Variants in HAP1 observed in about 807,000 individuals in gnomAD.
The protein encoded by HAP1 is huntingtin-associated protein 1.
Under a neutral mutation model 60.3 loss-of-function variants are expected in HAP1, and 59 were observed. The ratio of observed to expected loss-of-function variants is 0.98; its 90% CI spans 0.79 to 1.22. HAP1 has a LOEUF of 1.22. Ranked by LOEUF, HAP1 falls within the 50% of genes most tolerant of loss-of-function variation. The pLI, the probability that HAP1 is intolerant of heterozygous loss-of-function variation, is 0.00. For synonymous variants in HAP1, 346 were observed against 330.6 expected (o/e 1.05, Z -0.50); for missense variants, 825 against 785.3 (o/e 1.05, Z -0.60).
intron 6 of HAP1, 133 bp from the exon 7 acceptor site, chr17:41,728,464 T>G: frequency 9.9e-6 from 7 of 709,546 alleles, no homozygotes; most frequent in Middle Eastern, 3.8e-4. Context: ...GGGCTTTGCA[T>G]TCCTCACTCA....
At chr17:41,732,889 C>A (rs1166481744) in intron 1 of HAP1, 91 bp from the exon 2 acceptor site, 9 of 792,384 alleles carry the variant, frequency 1.1e-5, no homozygotes, top group Non-Finnish European at 2.1e-5. Context: ...CCCGTCCTAT[C>A]GTCAGTTCTC....
chr17:41,733,559 C>G (rs985544569), intron 1 of HAP1, among the ~76,000 whole-genome samples: 1 of 151,610 alleles, frequency 6.6e-6, no homozygotes, highest in Non-Finnish European at 1.5e-5. Context: ...TACAAACAGA[C>G]GCAGCCACTC....
rs1911331639 is a variant in HAP1, at chr17:41,723,197, C to T, written c.*1504G>A. 1 of 152,334 alleles carries T rather than the reference C, an allele frequency of 6.6e-6. No homozygotes were observed. Among genetic ancestry groups the T allele is most frequent in the Non-Finnish European group, 1.5e-5 (1 of 68,146 alleles). The allele number at this position is 152,334 out of a possible 1,614,324, so 9.4% of individuals were successfully genotyped here. Reference sequence around the variant, plus strand: ...CCAGTGGGCCTCTCCCGGGCTTCTCCTGCCCCCTGGGCTGCCATGTGGCCC... The same window carrying T: ...CCAGTGGGCCTCTCCCGGGCTTCTCTTGCCCCCTGGGCTGCCATGTGGCCC... On this transcript the variant is annotated 3_prime_UTR_variant, in exon 11 of 11. Coordinates refer to ENST00000347901, the MANE Select transcript of HAP1 (RefSeq NM_177977.3).
chr17:41,733,970 C>A (rs1236936214), intron 1 of HAP1, among the ~76,000 whole-genome samples, 196 bp downstream of exon 1: 2 of 152,164 alleles, frequency 1.3e-5, no homozygotes, highest in Non-Finnish European at 2.9e-5. Context: ...GACTCACGGG[C>A]ACAAACCAGG....
At chr17:41,731,587 G>A in intron 5 of HAP1, 28 bp from the exon 6 acceptor site, 2 of 1,605,648 alleles carry the variant, frequency 1.2e-6, no homozygotes, top group Non-Finnish European at 1.7e-6. Flanking sequence ...GGAAGGGACA[G>A]GGAAGTCAAC....
Position 41,734,408 on chromosome 17 carries a change from G to T in HAP1, c.227C>A (p.Ala76Asp). 1 of 1,607,944 alleles carries T rather than the reference G, an allele frequency of 6.2e-7. No homozygotes were observed. Residue 76 changes from alanine to aspartate, a missense_variant, in exon 1 of 11, where the codon GCC (alanine) becomes GAC (aspartate). Coordinates refer to ENST00000347901, the MANE Select transcript of HAP1 (RefSeq NM_177977.3). The part of the protein sequence containing the change: ...TGARPASEAG[A>D]KAGARRPSAF... ...GGACGGGCGCCGGGCTCCTGCCTTG[G>T]CTCCAGCCTCCGAGGCCGGGCGAGC... is the stretch of plus-strand genomic sequence containing the variant.
chr17:41,718,824 G>C (rs1157944764), downstream of HAP1, among the ~76,000 whole-genome samples: 2 of 152,158 alleles, frequency 1.3e-5, no homozygotes, highest in African/African-American at 4.8e-5. Flanking sequence ...CGTCCACCAA[G>C]GATACTTGGA....
In HAP1 at chr17:41,732,299, C is replaced by G. The variant is rs1196725652; in HGVS notation, c.645G>C (p.Val215=). The G allele has an allele frequency of 6.2e-7, 1 of 1,614,030 alleles. No homozygotes were observed. The highest frequency in any genetic ancestry group is 1.3e-5 in the African/African-American group (1 of 74,908). Residue 215 remains valine, a synonymous_variant, in exon 3 of 11, where the codon GTG becomes GTC. Coordinates refer to ENST00000347901, the MANE Select transcript of HAP1 (RefSeq NM_177977.3). ...CCTCCATCAAAACACTGTTCTGTTT[C>G]ACCAGGGACTGGCCGATGCGAGCTG... ...NTAARIGQSL[V]KQNSVLMEEN... is the part of the protein sequence containing the mutation.
At position 41,725,036 on chromosome 17, in the gene HAP1, C is replaced by A. The variant is rs574755321; in HGVS notation, c.1525G>T (p.Val509Leu). ...GCAGCCCCCAGCTCCTCCTGGGGCACGAACTCCTCCGCAGGCGTGAAATCT... is the reference window on the plus strand; with the variant it reads ...GCAGCCCCCAGCTCCTCCTGGGGCAAGAACTCCTCCGCAGGCGTGAAATCT... ...GEDFTPAEEF[V>L]PQEELGAAKK... is the part of the protein sequence containing the mutation. The change falls in exon 11 of 11, where the codon GTG (valine) becomes TTG (leucine). Residue 509 changes from valine to leucine, a missense_variant. Coordinates refer to ENST00000347901, the MANE Select transcript of HAP1 (RefSeq NM_177977.3). 3.2e-5 allele frequency: 52 copies of A among 1,612,378 alleles called. No homozygotes were observed. In the African/African-American group the frequency reaches 6.8e-4, roughly 21 times the overall value.
rs538162049 is a variant in HAP1 at position 41,728,262 on chromosome 17, T to C, written c.1139A>G (p.Gln380Arg). 1.5e-5 allele frequency: 24 copies of C among 1,613,680 alleles called. No homozygotes were observed. The South Asian group carries it at 2.6e-4, about 18-fold the overall frequency. ...LVLRLENYER[Q>R]QQEVARLQAQ... ...CTGCAGCCGAGCGACCTCCTGCTGC[T>C]GCCGTTCATAGTTTTCCAGCCTGAG... The change falls in exon 7 of 11, where the codon CAG becomes CGG. Residue 380 changes from glutamine (Q) to arginine (R), a missense_variant. Coordinates refer to ENST00000347901, the MANE Select transcript of HAP1 (RefSeq NM_177977.3).
At chr17:41,718,679 G>A (rs1555586441), downstream of HAP1, among the ~76,000 whole-genome samples, 1 of 152,238 alleles carries the variant, frequency 6.6e-6, no homozygotes, top group Non-Finnish European at 1.5e-5. Context: ...ACTCCAGGCT[G>A]AAAGGGGTCT....
At chr17:41,727,623 G>A (rs1911770024) in intron 8 of HAP1, 139 bp downstream of exon 8, 1 of 659,774 alleles carries the variant, frequency 1.5e-6, no homozygotes, top group South Asian at 1.7e-5. Flanking sequence ...GGCTGTGCCA[G>A]GCATGGAGGG....
intron 9 of HAP1, among the ~76,000 whole-genome samples, chr17:41,726,133 G>A (rs1911607358): frequency 6.6e-6 from 1 of 152,186 alleles, no homozygotes; most frequent in Non-Finnish European, 1.5e-5. Flanking sequence ...AGCTGGGCTT[G>A]GCCAGGTGCA....
intron 8 of HAP1, 169 bp from the exon 9 acceptor site, chr17:41,727,313 TGG>T (rs1358589823): frequency 2.6e-6 from 2 of 780,856 alleles, no homozygotes; most frequent in Non-Finnish European, 4.8e-6. Context: ...GCACGCTGTA[TGG>T]GTAATGGGTG....
At position 41,724,357 on chromosome 17, in the gene HAP1, T is replaced by G; in HGVS notation, c.*344A>C. ...CCATCCCACCCACCGCCCCCCGTGT[T>G]TGTTTTGACTGCTGCTGCCACTGCT... On this transcript the variant is annotated 3_prime_UTR_variant, in exon 11 of 11. Coordinates refer to ENST00000347901, the MANE Select transcript of HAP1 (RefSeq NM_177977.3). The G allele has an allele frequency of 6.0e-6, 1 of 166,750 alleles. No homozygotes were observed. Among genetic ancestry groups the G allele is most frequent in the Admixed American group, 5.9e-5 (1 of 16,874 alleles). The allele number at this position is 166,750 out of a possible 1,614,324, so 10.3% of individuals were successfully genotyped here.
In HAP1 at chr17:41,732,032, T is replaced by C; in HGVS notation, c.801A>G (p.Glu267=). Residue 267 remains glutamate (E), a synonymous_variant, in exon 4 of 11, where the codon GAA becomes GAG. Coordinates refer to ENST00000347901, the MANE Select transcript of HAP1 (RefSeq NM_177977.3). The stretch of plus-strand genomic sequence containing the variant: ...CTGCCTCCTTTTCTTCCTCCTCCTC[T>C]TCTTCATCCTCATCCTCCTCATCAG... ...SDSDEEDEDE[E]EEEEEKEAEE... 1 of 1,569,100 alleles carries C rather than the reference T, an allele frequency of 6.4e-7. No individual in the cohort carries two copies. Among genetic ancestry groups the C allele is most frequent in the Non-Finnish European group, 8.8e-7 (1 of 1,139,118 alleles).
downstream of HAP1, among the ~76,000 whole-genome samples, chr17:41,718,560 G>C (rs977732995): frequency 1.3e-5 from 2 of 151,412 alleles, no homozygotes; most frequent in Middle Eastern, 3.4e-3. Context: ...CTCCAGCCTA[G>C]GTTAGACTTC....
chr17:41,727,672 CCA>C lies in HAP1; in HGVS notation c.1275+88_1275+89del. 1.0e-5 allele frequency: 8 copies of C among 801,868 alleles called. No homozygotes were observed. In the South Asian group the frequency reaches 1.2e-4, roughly 12 times the overall value. The allele number at this position is 801,868 out of a possible 1,614,324, so 49.7% of individuals were successfully genotyped here. ...AAGACTCAGTTCCTGCTAGTCCTCTCCAGAGTCAGGTAGCTGCCAAGGGCCTG... is the reference window on the plus strand; with the variant it reads ...AAGACTCAGTTCCTGCTAGTCCTCTCGAGTCAGGTAGCTGCCAAGGGCCTG... On this transcript the variant is annotated intron_variant, in intron 8 of 10. Coordinates refer to ENST00000347901, the MANE Select transcript of HAP1 (RefSeq NM_177977.3).
chr17:41,720,797 T>G (rs2143161794), downstream of HAP1: 1 of 130,132 alleles, frequency 7.7e-6, no homozygotes, highest in Middle Eastern at 3.9e-3. Flanking sequence ...TGAGATATAT[T>G]CTTTTTTTTT....
Sources: allele counts gnomAD v4.1 joint callset (sites outside exome capture counted in the v4.1 genomes callset), GRCh38; gene constraint gnomAD v4.1.1; transcripts MANE v1.5; gene names NCBI Gene and HGNC (gene_info 2026-07-23, HGNC 2026-07-21).